AKAP9: variants seen among roughly 807,000 people sequenced by gnomAD.
The protein encoded by AKAP9 is A-kinase anchoring protein 9, also known as A-kinase anchor protein 9.
Under a neutral mutation model 488.5 loss-of-function variants are expected in AKAP9, and 311 were observed. That is an observed-to-expected ratio of 0.64 (90% confidence interval 0.58 to 0.70). AKAP9 has a LOEUF of 0.70. Ranked by LOEUF, AKAP9 falls within the 30% of genes least tolerant of loss-of-function variation. The pLI, the probability that AKAP9 is intolerant of heterozygous loss-of-function variation, is 0.00. For synonymous variants in AKAP9, 1,462 were observed against 1,483.5 expected (o/e 0.99, Z 0.33); for missense variants, 4,215 against 4,374.5 (o/e 0.96, Z 1.03).
rs774695806 is a variant in AKAP9 at position 92,077,565 on chromosome 7, A to T, written c.6766-131A>T. 384 of 793,920 alleles carry T rather than the reference A, an allele frequency of 4.8e-4. No individual in the cohort carries two copies. The highest frequency in any genetic ancestry group is 7.2e-4 in the Non-Finnish European group (349 of 484,418). 49.2% of individuals were successfully genotyped at this position (793,920 alleles called of 1,614,324 possible). A position where few individuals can be genotyped will look rare whatever the true frequency, so the allele number is the denominator to read the frequency against. ...TTATCAAAATATTTTAGAATTATTG[A>T]TTTACAGTAACCATATGGTGTCTCT... On this transcript the variant is annotated intron_variant, in intron 29 of 49. Transcript: ENST00000356239.
intron 28 of AKAP9, among the ~76,000 whole-genome samples, chr7:92,071,580 G>A (rs761457093): frequency 1.3e-5 from 2 of 151,918 alleles, no homozygotes; most frequent in Non-Finnish European, 2.9e-5. Flanking sequence ...CAGAACAATG[G>A]TCACCTCAAC....
In AKAP9 at chr7:92,086,257, C is replaced by T. The variant is rs1814541389; in HGVS notation, c.9054C>T (p.Ser3018=). ...EVYDSSQSHE[S]FSDWRGELLL... is the part of the protein sequence containing the mutation. ...ATGATAGTTCTCAATCTCATGAGAG[C>T]TTCTCAGACTGGCGAGGTGAACTAC... Residue 3018 remains serine, a synonymous_variant, in exon 37 of 50, where the codon AGC becomes AGT. Coordinates refer to ENST00000356239, the MANE Select transcript of AKAP9 (RefSeq NM_005751.5). The T allele has an allele frequency of 1.2e-6, 2 of 1,613,934 alleles. No individual in the cohort carries two copies. Among genetic ancestry groups the T allele is most frequent in the South Asian group, 2.2e-5 (2 of 91,076 alleles).
chr7:91,999,068 GAGGCTGCATAGGAT>G (rs1798793795), intron 7 of AKAP9, among the ~76,000 whole-genome samples: 1 of 152,182 alleles, frequency 6.6e-6, no homozygotes, highest in East Asian at 1.9e-4. Flanking sequence ...TTTTGCCCAA[GAGGCTGCATAGGAT>G]AACATTCATT....
At position 92,099,813 on chromosome 7, in the gene AKAP9, A is replaced by T; in HGVS notation, c.10840A>T (p.Met3614Leu). The change falls in exon 44 of 50, where the codon ATG becomes TTG. Residue 3614 changes from methionine (M) to leucine (L), a missense_variant. Met to Leu is a conservative substitution (Grantham distance 15). This residue lies in a region of AKAP9 where 74 missense variants were observed against 113.0 expected (regional missense o/e 0.65). Transcript: ENST00000356239. ...GAAGAATGACTTAAGGAACATGGTT[A>T]TGAAGCTGGAAGAGCAGATCAGGTG... ...EEKNDLRNMVMKLEEQIRWYR... is the reference protein window; with the variant it reads ...EEKNDLRNMVLKLEEQIRWYR... The T allele has an allele frequency of 6.2e-7, 1 of 1,614,136 alleles. No homozygotes were observed.
In AKAP9 at chr7:92,032,365, G is replaced by A. The variant is rs565549435; in HGVS notation, c.4338+761G>A. Among the ~76,000 whole-genome samples, 5 of 152,150 alleles carry A rather than the reference G, an allele frequency of 3.3e-5. No individual in the cohort carries two copies. The East Asian group carries it at 5.8e-4, about 18-fold the overall frequency. Reference sequence around the variant, plus strand: ...TACAAAATTAGCCGGGCGTGGTGACGCATGTCTGTAATCCCAGCTGTTCAG... The same window carrying A: ...TACAAAATTAGCCGGGCGTGGTGACACATGTCTGTAATCCCAGCTGTTCAG... On this transcript the variant is annotated intron_variant, in intron 16 of 49. Transcript: ENST00000356239.
intron 1 of AKAP9, chr7:91,970,511 A>T (rs2188155): frequency 2.2e-6 from 1 of 456,254 alleles, no homozygotes; most frequent in South Asian, 1.6e-5. Context: ...TCAGACAGGT[A>T]TGTGTTAGTG....
intron 1 of AKAP9, among the ~76,000 whole-genome samples, chr7:91,948,605 CTTT>C (rs55928500): frequency 4.6e-5 from 5 of 107,562 alleles, no homozygotes; most frequent in African/African-American, 1.9e-4. Context: ...TTGTAGATTT[CTTT>C]TTTTTTTTTT....
rs1584542922 is a variant in AKAP9, at chr7:92,097,051, T to C, written c.10092T>C (p.Asn3364=). The C allele has an allele frequency of 6.2e-6, 10 of 1,614,162 alleles. No individual in the cohort carries two copies. The East Asian group carries it at 2.2e-4, about 36-fold the overall frequency. The change falls in exon 41 of 50, where the codon AAT becomes AAC. Residue 3364 remains asparagine, a synonymous_variant. Coordinates refer to ENST00000356239, the MANE Select transcript of AKAP9 (RefSeq NM_005751.5). ...ACAGTCGCATAGTAGAATTGTTAAA[T>C]GAGACTGAAAAATATAAACTGGATT... is the stretch of plus-strand genomic sequence containing the variant. ...EKHSRIVELL[N]ETEKYKLDSL... is the part of the protein sequence containing the mutation.
At chr7:92,017,583 CAACTT>C (rs1372663764) in intron 12 of AKAP9, among the ~76,000 whole-genome samples, 2 of 152,082 alleles carry the variant, frequency 1.3e-5, no homozygotes, top group African/African-American at 4.8e-5. Flanking sequence ...ATCAGTAAAA[CAACTT>C]AAGGCACATA....
rs75429390 is a variant in AKAP9 at position 92,040,636 on chromosome 7, T to C, written c.4693-38T>C. On this transcript the variant is annotated intron_variant, in intron 17 of 49. Coordinates refer to ENST00000356239, the MANE Select transcript of AKAP9 (RefSeq NM_005751.5). ...TGACAGATTTTTACAAAATGTGTTATGGTTGAATTGTTTTTTTTTTTTTTT... is the reference window on the plus strand; with the variant it reads ...TGACAGATTTTTACAAAATGTGTTACGGTTGAATTGTTTTTTTTTTTTTTT... 10,624 of 1,409,830 alleles carry C rather than the reference T, an allele frequency of 7.5e-3. 56 individuals are homozygous for C. The highest frequency in any genetic ancestry group is 0.022 in the African/African-American group (1,378 of 63,354). The allele number at this position is 1,409,830 out of a possible 1,614,324, so 87.3% of individuals were successfully genotyped here. A position where few individuals can be genotyped will look rare whatever the true frequency, so the allele number is the denominator to read the frequency against.
intron 39 of AKAP9, 144 bp from the exon 40 acceptor site, chr7:92,094,879 A>T: frequency 1.5e-6 from 1 of 687,438 alleles, no homozygotes; most frequent in Non-Finnish European, 2.5e-6. Flanking sequence ...AATGAACCCC[A>T]GTCAAGAATC....
At chr7:92,062,568 T>C in intron 24 of AKAP9, 82 bp downstream of exon 24, 1 of 1,094,378 alleles carries the variant, frequency 9.1e-7, no homozygotes, top group Non-Finnish European at 1.4e-6. Flanking sequence ...TTTTTTCCTC[T>C]TTCAGTGCCA....
In AKAP9 at chr7:92,093,248, A is replaced by G. The variant is rs1014822216; in HGVS notation, c.9510A>G (p.Gln3170=). 6.2e-7 allele frequency: 1 copy of G among 1,614,120 alleles called. No homozygotes were observed. The highest frequency in any genetic ancestry group is 1.3e-5 in the African/African-American group (1 of 75,042). Residue 3170 remains glutamine, a synonymous_variant, in exon 39 of 50, where the codon CAA becomes CAG. Coordinates refer to ENST00000356239, the MANE Select transcript of AKAP9 (RefSeq NM_005751.5). The part of the protein sequence containing the change: ...VVAELKSELA[Q]TKLELETTLK... ...CTGAACTGAAGAGTGAGCTTGCACA[A>G]ACTAAATTGGAACTAGAAACAACAC... is the stretch of plus-strand genomic sequence containing the variant.
intron 28 of AKAP9, 103 bp from the exon 29 acceptor site, chr7:92,076,752 T>C: frequency 1.5e-6 from 1 of 672,654 alleles, no homozygotes; most frequent in South Asian, 2.3e-5. Context: ...TGACTCATGT[T>C]TTAAGCATGC....
intron 3 of AKAP9, among the ~76,000 whole-genome samples, chr7:91,981,840 A>G (rs6956309): frequency 0.45 from 68,188 of 151,740 alleles, 16,398 homozygotes; most frequent in African/African-American, 0.63. Flanking sequence ...TCCTGACCTC[A>G]TGATCTACCC....
chr7:92,054,548 A>T (rs1808471064), intron 22 of AKAP9, among the ~76,000 whole-genome samples: 1 of 152,018 alleles, frequency 6.6e-6, no homozygotes, highest in African/African-American at 2.4e-5. Flanking sequence ...GATGCTTAAG[A>T]TGTTTAAGAT....
At chr7:92,064,659 A>G (rs564751089) in intron 24 of AKAP9, among the ~76,000 whole-genome samples, 1 of 152,294 alleles carries the variant, frequency 6.6e-6, no homozygotes, top group East Asian at 1.9e-4. Context: ...ATTCACATAC[A>G]TGTGACCATG....
intron 1 of AKAP9, among the ~76,000 whole-genome samples, chr7:91,961,236 T>C (rs1793691805): frequency 1.3e-5 from 2 of 151,970 alleles, no homozygotes; most frequent in Non-Finnish European, 2.9e-5. Flanking sequence ...CTCAGCTCAC[T>C]GTGACCTCCG....
chr7:92,052,208 T>C (rs1808095337), intron 21 of AKAP9, among the ~76,000 whole-genome samples: 1 of 152,156 alleles, frequency 6.6e-6, no homozygotes, highest in Admixed American at 6.6e-5. Flanking sequence ...CTTATTTCTA[T>C]CCTGTACTCC....
Sources: allele counts gnomAD v4.1 joint callset (sites outside exome capture counted in the v4.1 genomes callset), GRCh38; gene constraint gnomAD v4.1.1; regional missense constraint gnomAD v4.1.1; transcripts MANE v1.5; gene names NCBI Gene and HGNC (gene_info 2026-07-23, HGNC 2026-07-21).